The following DUSP29 variants were observed in gnomAD, a reference collection of about 807,000 sequenced individuals.
DUSP29 encodes dual specificity phosphatase 29.
In DUSP29, 12 loss-of-function variants were observed where a neutral mutation model predicts 13.5. The ratio of observed to expected loss-of-function variants is 0.89; its 90% CI spans 0.57 to 1.44. The LOEUF is 1.44. DUSP29 is among the 40% of genes most tolerant of loss of function. The pLI is 0.00. For synonymous variants in DUSP29, 134 were observed against 128.7 expected, an observed-to-expected ratio of 1.04 and a Z score of -0.28; for missense variants, 308 against 301.1, an observed-to-expected ratio of 1.02 and a Z score of -0.17.
At chr10:75,067,770 G>A (rs1847236353) in intron 1 of DUSP29, among the ~76,000 whole-genome samples, 1 of 152,072 alleles carries the variant, frequency 6.6e-6, no homozygotes, top group South Asian at 2.1e-4. Flanking sequence ...AGACTAGCCT[G>A]GGCAACATTA....
intron 2 of DUSP29, among the ~76,000 whole-genome samples, chr10:75,044,837 A>G (rs1438088900): frequency 6.6e-6 from 1 of 152,152 alleles, no homozygotes; most frequent in Non-Finnish European, 1.5e-5. Context: ...GGGGTGGGGC[A>G]GGGAGAGGCC....
intron 1 of DUSP29, among the ~76,000 whole-genome samples, chr10:75,069,999 A>G (rs11001278): frequency 0.43 from 63,992 of 147,632 alleles, 15,756 homozygotes; most frequent in East Asian, 0.77. Flanking sequence ...GCTGTGAGCC[A>G]AGATCATGCC....
At chr10:75,060,085 A>G (rs531781810) in intron 1 of DUSP29, among the ~76,000 whole-genome samples, 41 of 151,762 alleles carry the variant, frequency 2.7e-4, no homozygotes, top group Non-Finnish European at 3.5e-4. Flanking sequence ...GCTTGAACCT[A>G]GGAGGCAGAG....
chr10:75,070,079 A>T (rs1206508092), intron 1 of DUSP29, among the ~76,000 whole-genome samples: 142 of 2,778 alleles, frequency 0.051, no homozygotes, highest in African/African-American at 0.22. Flanking sequence ...GAAAGGAAGG[A>T]AGGAAGGAAG....
At position 75,071,929 on chromosome 10, in the gene DUSP29, C is replaced by T. The variant is rs187718785; in HGVS notation, c.-35+1640G>A. Among the ~76,000 whole-genome samples the T allele has an allele frequency of 2.0e-3, 306 of 152,340 alleles. 2 individuals are homozygous for T. Among genetic ancestry groups the T allele is most frequent in the African/African-American group, 7.2e-3 (298 of 41,572 alleles). ...TCAAAAGCGCGCCGGCAGAAGATCACGCCGACAGGCACTGGCAGGCCTGCA... is the reference window on the plus strand; with the variant it reads ...TCAAAAGCGCGCCGGCAGAAGATCATGCCGACAGGCACTGGCAGGCCTGCA... On this transcript the variant is annotated intron_variant, in intron 1 of 3. Transcript: ENST00000338487.
chr10:75,043,695 A>G, intron 3 of DUSP29, 102 bp downstream of exon 3: 3 of 1,092,410 alleles, frequency 2.7e-6, no homozygotes, highest in Non-Finnish European at 2.6e-6. Flanking sequence ...CTAGGGGCGG[A>G]GCCTTAGTGG....
intron 1 of DUSP29, among the ~76,000 whole-genome samples, chr10:75,059,650 G>T (rs184041070): frequency 6.4e-4 from 97 of 152,236 alleles, no homozygotes; most frequent in Admixed American, 1.8e-3. Flanking sequence ...CTTAGTGTCA[G>T]GGGGAGGGAG....
chr10:75,053,633 C>T (rs1175496361), intron 2 of DUSP29, among the ~76,000 whole-genome samples: 10 of 152,170 alleles, frequency 6.6e-5, no homozygotes, highest in Non-Finnish European at 1.2e-4. Flanking sequence ...TACATTTCTA[C>T]CCATCTCCTC....
At chr10:75,048,211 G>A (rs1157168141) in intron 2 of DUSP29, among the ~76,000 whole-genome samples, 1 of 152,000 alleles carries the variant, frequency 6.6e-6, no homozygotes, top group African/African-American at 2.4e-5. Context: ...GCTAAAAATT[G>A]CAGTCCGTAT....
intron 1 of DUSP29, among the ~76,000 whole-genome samples, chr10:75,060,257 C>T (rs980520069): frequency 2.6e-5 from 4 of 151,938 alleles, no homozygotes; most frequent in African/African-American, 9.7e-5. Context: ...ATTGCATGAG[C>T]CCAGGAGTTC....
chr10:75,064,504 C>T (rs1847155072), intron 1 of DUSP29, among the ~76,000 whole-genome samples: 1 of 152,114 alleles, frequency 6.6e-6, no homozygotes, highest in African/African-American at 2.4e-5. Context: ...GAGACTCCGT[C>T]TCAGAAACAA....
At chr10:75,051,826 G>C (rs1846838730) in intron 2 of DUSP29, among the ~76,000 whole-genome samples, 1 of 152,260 alleles carries the variant, frequency 6.6e-6, no homozygotes, top group Non-Finnish European at 1.5e-5. Flanking sequence ...AGGCAGCCTT[G>C]CCTGTTCACA....
intron 2 of DUSP29, among the ~76,000 whole-genome samples, chr10:75,057,196 C>G (rs937070919): frequency 4.6e-5 from 7 of 152,062 alleles, no homozygotes; most frequent in African/African-American, 1.7e-4. Flanking sequence ...ATTGCTTGAA[C>G]CCAGGAGGCA....
At chr10:75,049,378 A>G (rs991400883) in intron 2 of DUSP29, among the ~76,000 whole-genome samples, 1 of 152,212 alleles carries the variant, frequency 6.6e-6, no homozygotes, top group Non-Finnish European at 1.5e-5. Context: ...GTTTTGAGAA[A>G]TGATGTCGTG....
chr10:75,045,075 G>A (rs1314838615), intron 2 of DUSP29, among the ~76,000 whole-genome samples: 1 of 152,190 alleles, frequency 6.6e-6, no homozygotes, highest in Non-Finnish European at 1.5e-5. Context: ...AATGAACAGG[G>A]GCCGAGCACA....
At chr10:75,041,639 G>A (rs1269933288) in intron 3 of DUSP29, among the ~76,000 whole-genome samples, 1 of 152,212 alleles carries the variant, frequency 6.6e-6, no homozygotes, top group Non-Finnish European at 1.5e-5. Flanking sequence ...GTGCAAAGGT[G>A]CTGAGAGCAG....
chr10:75,051,806 C>T (rs1846836078), intron 2 of DUSP29, among the ~76,000 whole-genome samples: 1 of 152,236 alleles, frequency 6.6e-6, no homozygotes, highest in Non-Finnish European at 1.5e-5. Context: ...GCAAAGAGAC[C>T]AAGAAACACA....
intron 1 of DUSP29, among the ~76,000 whole-genome samples, chr10:75,068,126 T>A (rs963333133): frequency 6.6e-6 from 1 of 152,088 alleles, no homozygotes; most frequent in Non-Finnish European, 1.5e-5. Context: ...TGCAAGAAAA[T>A]TTTTAAAAAT....
At chr10:75,066,444 C>T (rs1364481469) in intron 1 of DUSP29, among the ~76,000 whole-genome samples, 8 of 152,110 alleles carry the variant, frequency 5.3e-5, no homozygotes, top group Admixed American at 3.3e-4. Context: ...GTTTGTGAAG[C>T]AGCAGATACA....
Sources: gnomAD v4.1 joint callset for allele counts (sites outside exome capture counted in the v4.1 genomes callset) on GRCh38, gnomAD v4.1.1 for gene constraint, MANE v1.5 for transcripts, NCBI Gene and HGNC (gene_info 2026-07-23, HGNC 2026-07-21) for gene names.